Variants in WNK4 observed in about 807,000 individuals in gnomAD.
WNK4 encodes the protein serine/threonine-protein kinase WNK4.
In WNK4, 94 loss-of-function variants were observed where a neutral mutation model predicts 116.2. The observed-to-expected ratio is 0.81, with a 90% CI of 0.68 to 0.96. The LOEUF (loss-of-function observed/expected upper bound fraction) is 0.96. Ranked by LOEUF, WNK4 falls within the 40% of genes least tolerant of loss-of-function variation. The pLI, the probability that WNK4 is intolerant of heterozygous loss-of-function variation, is 0.00. For missense variants in WNK4, 1,542 were observed against 1,650.6 expected (o/e 0.93, Z 1.14); for synonymous variants, 655 against 672.7 (o/e 0.97, Z 0.41).
At position 42,784,411 on chromosome 17, in the gene WNK4, G is replaced by A. The variant is rs1166437920; in HGVS notation, c.1013-11G>A. The A allele has an allele frequency of 6.2e-7, 1 of 1,612,762 alleles. No individual in the cohort carries two copies. On this transcript the variant is annotated splice_polypyrimidine_tract_variant and intron_variant, in intron 3 of 18. Coordinates refer to ENST00000246914, the MANE Select transcript of WNK4 (RefSeq NM_032387.5). The surrounding 1 kb of genome is among the most constrained non-coding windows in gnomAD (Gnocchi z 4.4). The stretch of plus-strand genomic sequence containing the variant: ...TGCCCAGCAATCTGATCCCTGCTGT[G>A]GACCCTACAGGGACCCCGGAATTCA...
chr17:42,787,044 A>G (rs1012262229), intron 6 of WNK4, among the ~76,000 whole-genome samples: 1 of 152,226 alleles, frequency 6.6e-6, no homozygotes, highest in Non-Finnish European at 1.5e-5. Flanking sequence ...CTGTATAACT[A>G]TGAACCAGCT....
intron 10 of WNK4, 125 bp from the exon 11 acceptor site, chr17:42,788,553 ACTT>A: frequency 8.7e-7 from 1 of 1,150,316 alleles, no homozygotes. Flanking sequence ...CTAATACCAG[ACTT>A]TAGAGGTGGG....
rs759464770 is a variant in WNK4 at position 42,795,670 on chromosome 17, A to C, written c.3068A>C (p.Lys1023Thr). 9 of 1,613,142 alleles carry C rather than the reference A, an allele frequency of 5.6e-6. No individual in the cohort carries two copies. The Admixed American group carries it at 1.5e-4, about 27-fold the overall frequency. The change falls in exon 16 of 19, where the codon AAG (lysine) becomes ACG (threonine). Residue 1023 changes from lysine (K) to threonine (T), a missense_variant. Around this residue, in one of 7 missense-constraint regions of WNK4, gnomAD observed 292 missense variants for 290.1 expected, o/e 1.01. Coordinates refer to ENST00000246914, the MANE Select transcript of WNK4 (RefSeq NM_032387.5). ...GGGCGTTTCCAAGTGACTTCATCCA[A>C]GGAACCGGCTGAGCCTCTTCCCTTG... ...LVGRFQVTSSKEPAEPLPLQP... is the reference protein window; with the variant it reads ...LVGRFQVTSSTEPAEPLPLQP...
At chr17:42,796,451 A>G (rs1164054433) in intron 17 of WNK4, 30 bp from the exon 18 acceptor site, 1 of 1,613,582 alleles carries the variant, frequency 6.2e-7, no homozygotes, top group Non-Finnish European at 8.5e-7. Flanking sequence ...TTCCTCACTT[A>G]GTGCTCTCCT....
chr17:42,794,125 A>G, intron 12 of WNK4: 1 of 331,564 alleles, frequency 3.0e-6, no homozygotes, highest in Non-Finnish European at 5.8e-6. Context: ...AAGTGCTGGG[A>G]TTACAGGTGT....
At chr17:42,791,542 G>A (rs2144058492) in intron 11 of WNK4, among the ~76,000 whole-genome samples, 1 of 152,214 alleles carries the variant, frequency 6.6e-6, no homozygotes, top group Non-Finnish European at 1.5e-5. Flanking sequence ...GGGAGGCTGA[G>A]GCAGGAGAAT....
chr17:42,783,081 T>A, intron 2 of WNK4, 151 bp downstream of exon 2: 1 of 1,021,404 alleles, frequency 9.8e-7, no homozygotes, highest in Non-Finnish European at 1.4e-6. Flanking sequence ...CCTGCCTCGG[T>A]GAGTGGCAAT....
In WNK4 at chr17:42,795,238, G is replaced by A; in HGVS notation, c.2817G>A (p.Gln939=). The change falls in exon 14 of 19, where the codon CAG becomes CAA. Residue 939 remains glutamine, a synonymous_variant. Transcript: ENST00000246914. The stretch of plus-strand genomic sequence containing the variant: ...CACTGGCTGTGATGACTGTGGCCCA[G>A]TCCCTGCTGTCCCCCTCACCTGGGC... ...AFSLAVMTVA[Q]SLLSPSPGLL... is the part of the protein sequence containing the mutation. 2 of 1,613,648 alleles carry A rather than the reference G, an allele frequency of 1.2e-6. No homozygotes were observed. The highest frequency in any genetic ancestry group is 1.7e-6 in the Non-Finnish European group (2 of 1,179,846).
In WNK4 at chr17:42,782,180, G is replaced by A. The variant is rs2054490832; in HGVS notation, c.619-578G>A. 6.6e-6 allele frequency among the ~76,000 whole-genome samples: 1 copy of A among 151,168 alleles called. No individual in the cohort carries two copies. Among genetic ancestry groups the A allele is most frequent in the Non-Finnish European group, 1.5e-5 (1 of 67,724 alleles). ...CGCCCCAGGCTCTGGGCCAGGCCAG[G>A]AGAGGCAGCCAAATTGGGGGGTGAG... On this transcript the variant is annotated intron_variant, in intron 1 of 18. Transcript: ENST00000246914. This position sits in a 1 kb window ranked among gnomAD's most constrained non-coding sequence, Gnocchi z 4.2.
Position 42,783,895 on chromosome 17 carries a change from C to T in WNK4, c.792-42C>T, listed in dbSNP as rs528852665. ...CAGTGGGGGGCTCCTTCCCGGAGGA[C>T]GTGTCCCCCCACCAGGACTCTGGCT... On this transcript the variant is annotated intron_variant, in intron 2 of 18. Coordinates refer to ENST00000246914, the MANE Select transcript of WNK4 (RefSeq NM_032387.5). 5.7e-6 allele frequency: 9 copies of T among 1,568,540 alleles called. No homozygotes were observed. In the South Asian group the frequency reaches 9.0e-5, roughly 16 times the overall value.
chr17:42,795,089 C>A lies in WNK4; in HGVS notation c.2668C>A (p.Pro890Thr). The A allele has an allele frequency of 6.2e-7, 1 of 1,614,114 alleles. No homozygotes were observed. The highest frequency in any genetic ancestry group is 8.5e-7 in the Non-Finnish European group (1 of 1,180,008). The change falls in exon 14 of 19, where the codon CCT becomes ACT. Residue 890 changes from proline (P) to threonine (T), a missense_variant. Physicochemically the swap from Pro to Thr is conservative, Grantham distance 38. This residue lies in a region of WNK4 where 292 missense variants were observed against 290.1 expected (regional missense o/e 1.01). Transcript: ENST00000246914. ...PWSSLPTTSPPTFSPTCSQVT... is the reference protein window; with the variant it reads ...PWSSLPTTSPTTFSPTCSQVT... The stretch of plus-strand genomic sequence containing the variant: ...GAGTTCTCTCCCCACGACTTCTCCA[C>A]CTACGTTCTCTCCCACTTGTTCTCA...
Position 42,785,334 on chromosome 17 carries a change from C to A in WNK4, c.1328C>A (p.Ala443Glu). ...GAGCGCGGTGTGCACGTGGAACTAG[C>A]GGAGGAGGACGACGGCGAGAAGCCG... ...REERGVHVEL[A>E]EEDDGEKPGL... Residue 443 changes from alanine to glutamate, a missense_variant, in exon 6 of 19, where the codon GCG becomes GAG. Coordinates refer to ENST00000246914, the MANE Select transcript of WNK4 (RefSeq NM_032387.5). The A allele has an allele frequency of 6.2e-7, 1 of 1,611,732 alleles. No individual in the cohort carries two copies. Among genetic ancestry groups the A allele is most frequent in the Non-Finnish European group, 8.5e-7 (1 of 1,179,028 alleles).
In WNK4 at chr17:42,782,141, G is replaced by A. The variant is rs2054490104; in HGVS notation, c.619-617G>A. Among the ~76,000 whole-genome samples the A allele has an allele frequency of 6.6e-6, 1 of 151,918 alleles. No homozygotes were observed. The highest frequency in any genetic ancestry group is 2.4e-5 in the African/African-American group (1 of 41,330). ...CCCTGGCACAGGGCTCGCCCCTTGCGCCTGCCAGTGCCGCGCCCCAGGCTC... is the reference window on the plus strand; with the variant it reads ...CCCTGGCACAGGGCTCGCCCCTTGCACCTGCCAGTGCCGCGCCCCAGGCTC... On this transcript the variant is annotated intron_variant, in intron 1 of 18. Transcript: ENST00000246914. The surrounding 1 kb of genome is among the most constrained non-coding windows in gnomAD (Gnocchi z 4.2).
In WNK4 at chr17:42,783,931, C is replaced by T. The variant is rs1432458416; in HGVS notation, c.792-6C>T. 3.7e-6 allele frequency: 6 copies of T among 1,612,344 alleles called. No homozygotes were observed. The highest frequency in any genetic ancestry group is 2.7e-5 in the African/African-American group (2 of 74,902). On this transcript the variant is annotated splice_polypyrimidine_tract_variant and splice_region_variant and intron_variant, in intron 2 of 18. Coordinates refer to ENST00000246914, the MANE Select transcript of WNK4 (RefSeq NM_032387.5). ...ACCAGGACTCTGGCTATGCGCCCTCCCCCAGGTACCTGAGGCGGTTCCGGG... is the reference window on the plus strand; with the variant it reads ...ACCAGGACTCTGGCTATGCGCCCTCTCCCAGGTACCTGAGGCGGTTCCGGG...
At chr17:42,789,355 A>G (rs1413796042) in intron 11 of WNK4, among the ~76,000 whole-genome samples, 1 of 152,044 alleles carries the variant, frequency 6.6e-6, no homozygotes, top group Non-Finnish European at 1.5e-5. Flanking sequence ...TAGAATAGAC[A>G]ATGTTAAGAG....
Position 42,787,850 on chromosome 17 carries a change from C to G in WNK4, c.1814C>G (p.Pro605Arg), listed in dbSNP as rs1241202617. Reference protein sequence around the residue: ...LDASDPALQPPGGVPSSLAES... With the variant: ...LDASDPALQPRGGVPSSLAES... ...GCCTCAGACCCTGCCCTTCAGCCCC[C>G]TGGGGGGGTGCCATCCAGCCTGGCT... is the stretch of plus-strand genomic sequence containing the variant. The change falls in exon 8 of 19, where the codon CCT (proline) becomes CGT (arginine). Residue 605 changes from proline (P) to arginine (R), a missense_variant. This residue lies in a region of WNK4 where 808 missense variants were observed against 873.6 expected (regional missense o/e 0.92). Coordinates refer to ENST00000246914, the MANE Select transcript of WNK4 (RefSeq NM_032387.5). The G allele has an allele frequency of 6.2e-7, 1 of 1,612,218 alleles. No homozygotes were observed. Among genetic ancestry groups the G allele is most frequent in the Admixed American group, 1.7e-5 (1 of 60,026 alleles).
chr17:42,794,894 C>G lies in WNK4; in HGVS notation c.2473C>G (p.Pro825Ala). 1.2e-6 allele frequency: 2 copies of G among 1,613,434 alleles called. No individual in the cohort carries two copies. Among genetic ancestry groups the G allele is most frequent in the Non-Finnish European group, 1.7e-6 (2 of 1,179,772 alleles). The change falls in exon 14 of 19, where the codon CCA (proline) becomes GCA (alanine). Residue 825 changes from proline to alanine, a missense_variant. Physicochemically the swap from Pro to Ala is conservative, Grantham distance 27. This residue lies in a region of WNK4 where 808 missense variants were observed against 873.6 expected (regional missense o/e 0.92). Coordinates refer to ENST00000246914, the MANE Select transcript of WNK4 (RefSeq NM_032387.5). ...ATTTTCCCCTGGAACCCCCATTTCC[C>G]CAGGTCCCATCTTCCCCATCACTTC... The part of the protein sequence containing the change: ...NPFSPGTPIS[P>A]GPIFPITSPP...
chr17:42,787,719 T>G, intron 7 of WNK4, 59 bp from the exon 8 acceptor site: 1 of 1,604,460 alleles, frequency 6.2e-7, no homozygotes, highest in South Asian at 1.1e-5. Flanking sequence ...GCAGGCCCCA[T>G]CCTCTGCCAC....
chr17:42,795,428 A>C lies in WNK4; in HGVS notation c.2962-33A>C, dbSNP rs769838533. ...GATGATTAGGGAGACTCCACTCTGCACTCTTCCCTTCTCATGGCCCCCCAC... is the reference window on the plus strand; with the variant it reads ...GATGATTAGGGAGACTCCACTCTGCCCTCTTCCCTTCTCATGGCCCCCCAC... On this transcript the variant is annotated intron_variant, in intron 14 of 18. Coordinates refer to ENST00000246914, the MANE Select transcript of WNK4 (RefSeq NM_032387.5). 5 of 1,612,888 alleles carry C rather than the reference A, an allele frequency of 3.1e-6. No homozygotes were observed. In the African/African-American group the frequency reaches 6.7e-5, roughly 22 times the overall value.
Sources: allele counts gnomAD v4.1 joint callset (sites outside exome capture counted in the v4.1 genomes callset), GRCh38; gene constraint gnomAD v4.1.1; regional missense constraint gnomAD v4.1.1; non-coding constraint Gnocchi (gnomAD v3.1); transcripts MANE v1.5; gene names NCBI Gene and HGNC (gene_info 2026-07-23, HGNC 2026-07-21).